Variants in SLC25A21 observed in about 807,000 individuals in gnomAD.
SLC25A21 encodes solute carrier family 25 member 21.
In SLC25A21, 47 loss-of-function variants were observed where a neutral mutation model predicts 43.8. The ratio of observed to expected loss-of-function variants is 1.07; its 90% confidence interval spans 0.85 to 1.37. The LOEUF (loss-of-function observed/expected upper bound fraction) is 1.37. Ranked by LOEUF, SLC25A21 falls within the 40% of genes most tolerant of loss-of-function variation. SLC25A21 has a pLI of 0.00. For synonymous variants in SLC25A21, 131 were observed against 121.3 expected (o/e 1.08, Z -0.52); for missense variants, 352 against 350.2 (o/e 1.00, Z -0.04).
intron 1 of SLC25A21, among the ~76,000 whole-genome samples, chr14:36,917,849 AAG>A (rs1458767348): frequency 1.3e-5 from 2 of 152,322 alleles, no homozygotes. Flanking sequence ...GAGAAAGCTG[AAG>A]ATTCAGAAAA....
intron 3 of SLC25A21, among the ~76,000 whole-genome samples, chr14:36,794,680 A>G (rs529751507): frequency 1.3e-5 from 2 of 152,116 alleles, no homozygotes; most frequent in African/African-American, 4.8e-5. Flanking sequence ...GAGACAGGAG[A>G]ATCGCTTGAA....
intron 2 of SLC25A21, among the ~76,000 whole-genome samples, chr14:36,873,467 T>C (rs895697879): frequency 7.2e-5 from 11 of 152,104 alleles, no homozygotes; most frequent in Non-Finnish European, 7.3e-5. Flanking sequence ...GGTTAATTTT[T>C]GTATTTTTAG....
At chr14:37,095,196 G>A (rs1411004123) in intron 1 of SLC25A21, among the ~76,000 whole-genome samples, 2 of 152,126 alleles carry the variant, frequency 1.3e-5, no homozygotes, top group Non-Finnish European at 2.9e-5. Context: ...TGTCACATAT[G>A]TACTCAATAA....
At chr14:36,889,433 G>A (rs1891017416) in intron 1 of SLC25A21, among the ~76,000 whole-genome samples, 3 of 152,122 alleles carry the variant, frequency 2.0e-5, no homozygotes, top group African/African-American at 7.2e-5. Context: ...ATATTTAGTT[G>A]TAATAACATT....
At chr14:36,846,573 G>T (rs957584248) in intron 2 of SLC25A21, among the ~76,000 whole-genome samples, 5 of 151,988 alleles carry the variant, frequency 3.3e-5, no homozygotes, top group Non-Finnish European at 7.4e-5. Flanking sequence ...GTAGAGACAG[G>T]GTTCCACCAT....
intron 3 of SLC25A21, among the ~76,000 whole-genome samples, chr14:36,737,884 A>C (rs376067399): frequency 6.6e-6 from 1 of 152,260 alleles, no homozygotes; most frequent in South Asian, 2.1e-4. Flanking sequence ...CCCTGCTTCC[A>C]GAATTTAAGC....
chr14:36,985,125 A>G (rs1284524471), intron 1 of SLC25A21, among the ~76,000 whole-genome samples: 8 of 147,962 alleles, frequency 5.4e-5, no homozygotes, highest in Admixed American at 4.1e-4. Context: ...AAATTGAACA[A>G]TGAGATCACA....
chr14:36,841,516 T>C (rs1042428702), intron 2 of SLC25A21, among the ~76,000 whole-genome samples: 2 of 152,164 alleles, frequency 1.3e-5, no homozygotes, highest in South Asian at 2.1e-4. Context: ...TTATCACCCA[T>C]TGATCTTCCT....
intron 1 of SLC25A21, among the ~76,000 whole-genome samples, chr14:37,071,260 T>C (rs35841945): frequency 0.027 from 4,072 of 152,328 alleles, 70 homozygotes; most frequent in Non-Finnish European, 0.038. Context: ...TTAATCCCAC[T>C]GCAGAATATA....
At chr14:36,786,913 A>G (rs1412324236) in intron 3 of SLC25A21, among the ~76,000 whole-genome samples, 1 of 152,112 alleles carries the variant, frequency 6.6e-6, no homozygotes, top group African/African-American at 2.4e-5. Flanking sequence ...GAGCTGATGG[A>G]GGTGAGGCCC....
At chr14:36,795,932 C>T (rs1887654010) in intron 3 of SLC25A21, among the ~76,000 whole-genome samples, 1 of 152,164 alleles carries the variant, frequency 6.6e-6, no homozygotes, top group African/African-American at 2.4e-5. Context: ...AGATGCAACA[C>T]AGCATATATG....
chr14:37,008,855 C>T (rs764620145), intron 1 of SLC25A21, among the ~76,000 whole-genome samples: 18 of 152,142 alleles, frequency 1.2e-4, no homozygotes, highest in Non-Finnish European at 1.9e-4. Context: ...CAAAAGACTA[C>T]GAATGTATTT....
chr14:36,984,690 T>C (rs992868574), intron 1 of SLC25A21, among the ~76,000 whole-genome samples: 1 of 152,136 alleles, frequency 6.6e-6, no homozygotes, highest in Non-Finnish European at 1.5e-5. Context: ...TTAAAAATGT[T>C]TTATTTTGAA....
At chr14:36,964,125 G>T (rs989154552) in intron 1 of SLC25A21, among the ~76,000 whole-genome samples, 2 of 152,046 alleles carry the variant, frequency 1.3e-5, no homozygotes, top group South Asian at 4.2e-4. Flanking sequence ...AATTATCATG[G>T]ATTCAAACCA....
intron 1 of SLC25A21, among the ~76,000 whole-genome samples, chr14:36,876,525 T>C (rs1293216159): frequency 1.3e-5 from 2 of 152,096 alleles, no homozygotes; most frequent in East Asian, 1.9e-4. Flanking sequence ...GCAAAGCCTC[T>C]AGGTACTGTT....
intron 1 of SLC25A21, among the ~76,000 whole-genome samples, chr14:37,065,222 G>A (rs1002712622): frequency 1.3e-5 from 2 of 152,166 alleles, no homozygotes; most frequent in African/African-American, 2.4e-5. Context: ...GAAGAACCCT[G>A]AATGCAGAGA....
intron 3 of SLC25A21, among the ~76,000 whole-genome samples, chr14:36,805,009 TC>T (rs1297057381): frequency 6.6e-6 from 1 of 152,132 alleles, no homozygotes; most frequent in Non-Finnish European, 1.5e-5. Flanking sequence ...GGCTATGGAA[TC>T]CCACCTTTCC....
chr14:37,156,849 T>G (rs1022735570), intron 1 of SLC25A21, among the ~76,000 whole-genome samples: 2 of 152,182 alleles, frequency 1.3e-5, no homozygotes, highest in African/African-American at 4.8e-5. Flanking sequence ...TTCAACACCC[T>G]ACTTTCATCA....
At chr14:36,767,173 CA>C (rs1163796299) in intron 3 of SLC25A21, among the ~76,000 whole-genome samples, 5 of 152,182 alleles carry the variant, frequency 3.3e-5, no homozygotes, top group African/African-American at 1.2e-4. Context: ...ACTCCTAGAT[CA>C]GCGAAATTTT....
Sources: allele counts gnomAD v4.1 joint callset (sites outside exome capture counted in the v4.1 genomes callset), GRCh38; gene constraint gnomAD v4.1.1; transcripts MANE v1.5; gene names NCBI Gene and HGNC (gene_info 2026-07-23, HGNC 2026-07-21).